Variants in DLGAP2 observed in about 807,000 individuals in gnomAD.
The protein encoded by DLGAP2 is disks large-associated protein 2.
A neutral mutation model predicts 100.3 loss-of-function variants in DLGAP2; 26 were observed. That is an observed-to-expected ratio of 0.26 (90% CI 0.19 to 0.36). The LOEUF is 0.36. Ranked by LOEUF, DLGAP2 falls within the 10% of genes least tolerant of loss-of-function variation. The probability of loss-of-function intolerance (pLI) is 1.00; values close to 1 mark genes in which losing one functional copy is unlikely to be tolerated. For synonymous variants in DLGAP2, 886 were observed against 630.1 expected (o/e 1.41, Z -6.08); for missense variants, 1,858 against 1,453.2 (o/e 1.28, Z -4.53).
intron 2 of DLGAP2, among the ~76,000 whole-genome samples, chr8:1,172,088 A>G (rs1037829091): frequency 6.6e-6 from 1 of 151,880 alleles, no homozygotes; most frequent in Non-Finnish European, 1.5e-5. Flanking sequence ...GGTGGTGACA[A>G]AATCTCTCAG....
chr8:1,313,580 C>G (rs1397352353), intron 3 of DLGAP2, among the ~76,000 whole-genome samples: 2 of 152,210 alleles, frequency 1.3e-5, no homozygotes, highest in South Asian at 2.1e-4. Context: ...CTGTGGAACA[C>G]CATAACACTT....
At chr8:1,193,388 C>G (rs1585139282) in intron 2 of DLGAP2, among the ~76,000 whole-genome samples, 1 of 152,156 alleles carries the variant, frequency 6.6e-6, no homozygotes, top group Non-Finnish European at 1.5e-5. Context: ...GATGGTATCT[C>G]ATTGTGGTTT....
chr8:1,663,752 C>G (rs770240767), intron 8 of DLGAP2, among the ~76,000 whole-genome samples: 13 of 152,204 alleles, frequency 8.5e-5, no homozygotes, highest in South Asian at 4.1e-4. Flanking sequence ...AAAATCATCT[C>G]AAGATATTAA....
chr8:1,419,587 G>T (rs1190639810), intron 3 of DLGAP2, among the ~76,000 whole-genome samples: 1 of 152,108 alleles, frequency 6.6e-6, no homozygotes, highest in East Asian at 1.9e-4. Flanking sequence ...ATAAGGTGAG[G>T]TGTATGAACA....
At chr8:1,244,459 T>C (rs1798864019) in intron 2 of DLGAP2, among the ~76,000 whole-genome samples, 1 of 152,188 alleles carries the variant, frequency 6.6e-6, no homozygotes, top group Non-Finnish European at 1.5e-5. Flanking sequence ...AGAGGTGCCA[T>C]AGAAACATAG....
chr8:1,390,410 G>C (rs982535729), intron 3 of DLGAP2, among the ~76,000 whole-genome samples: 11 of 151,452 alleles, frequency 7.3e-5, no homozygotes, highest in African/African-American at 2.7e-4. Flanking sequence ...TAAGTTTTTT[G>C]TATGCATAAA....
intron 7 of DLGAP2, among the ~76,000 whole-genome samples, chr8:1,628,478 C>T (rs1797563656): frequency 7.5e-6 from 1 of 133,766 alleles, no homozygotes; most frequent in Non-Finnish European, 1.6e-5. Context: ...CTGAGCTGAC[C>T]TCACATTCTC....
At chr8:877,317 T>C (rs970284064) in intron 1 of DLGAP2, among the ~76,000 whole-genome samples, 1 of 152,198 alleles carries the variant, frequency 6.6e-6, no homozygotes, top group Non-Finnish European at 1.5e-5. Flanking sequence ...TGTTTCTTCG[T>C]TCAGTGATTG....
At chr8:899,584 G>A (rs1163643478) in intron 1 of DLGAP2, among the ~76,000 whole-genome samples, 1 of 152,194 alleles carries the variant, frequency 6.6e-6, no homozygotes, top group African/African-American at 2.4e-5. Flanking sequence ...TAGAAGGGAG[G>A]CCAGAGATAG....
chr8:1,424,713 A>G (rs925872007), intron 3 of DLGAP2, among the ~76,000 whole-genome samples: 2 of 152,190 alleles, frequency 1.3e-5, no homozygotes, highest in African/African-American at 4.8e-5. Context: ...AGAAGGCCGG[A>G]TAGGACAAGG....
chr8:984,892 C>G (rs947606619), intron 2 of DLGAP2, among the ~76,000 whole-genome samples: 2 of 152,184 alleles, frequency 1.3e-5, no homozygotes, highest in African/African-American at 2.4e-5. Context: ...GTGTCTGTTA[C>G]TATTGATCAT....
At chr8:1,286,554 G>A (rs774087084) in intron 3 of DLGAP2, among the ~76,000 whole-genome samples, 2 of 152,302 alleles carry the variant, frequency 1.3e-5, no homozygotes, top group Non-Finnish European at 2.9e-5. Flanking sequence ...GGGATGCGGA[G>A]GTGCTTGACA....
chr8:1,325,884 C>T (rs1214227890), intron 3 of DLGAP2, among the ~76,000 whole-genome samples: 1 of 152,132 alleles, frequency 6.6e-6, no homozygotes, highest in African/African-American at 2.4e-5. Flanking sequence ...CTGTTTTGAT[C>T]TCCTTTTTCT....
chr8:841,978 C>G (rs1010279641), intron 1 of DLGAP2, among the ~76,000 whole-genome samples: 3 of 152,182 alleles, frequency 2.0e-5, no homozygotes, highest in Admixed American at 2.0e-4. Flanking sequence ...CTTAACATAA[C>G]GATTTGGACA....
chr8:1,320,437 C>T (rs752234681), intron 3 of DLGAP2, among the ~76,000 whole-genome samples: 2 of 152,076 alleles, frequency 1.3e-5, no homozygotes, highest in South Asian at 2.1e-4. Context: ...AGGGTGGGTG[C>T]GTGGAGCCCA....
At chr8:1,148,928 A>G (rs1796651156) in intron 2 of DLGAP2, among the ~76,000 whole-genome samples, 1 of 152,218 alleles carries the variant, frequency 6.6e-6, no homozygotes, top group Non-Finnish European at 1.5e-5. Flanking sequence ...CTATGTATCA[A>G]TAATTCAGTA....
chr8:924,882 G>A (rs1798781695), intron 2 of DLGAP2, among the ~76,000 whole-genome samples: 1 of 152,118 alleles, frequency 6.6e-6, no homozygotes, highest in African/African-American at 2.4e-5. Context: ...CACCGCGCCT[G>A]GCCAATCCAG....
chr8:880,719 C>G (rs546613033), intron 1 of DLGAP2, among the ~76,000 whole-genome samples: 60 of 152,372 alleles, frequency 3.9e-4, no homozygotes, highest in African/African-American at 1.3e-3. Flanking sequence ...TTGACTGCGA[C>G]ATGGTATCTG....
At position 1,092,110 on chromosome 8, in the gene DLGAP2, G is replaced by A. The variant is rs188432570; in HGVS notation, c.74-166741G>A. On this transcript the variant is annotated intron_variant, in intron 2 of 14. Transcript: ENST00000637795. ...CCATGTTTTGGGGACTCTCATGGGA[G>A]CGGCCGGTGTCTGCCCCTTCATACC... 9.2e-5 allele frequency among the ~76,000 whole-genome samples: 14 copies of A among 152,298 alleles called. No homozygotes were observed. In the East Asian group the frequency reaches 2.5e-3, roughly 27 times the overall value.
Sources: allele counts gnomAD v4.1 joint callset (sites outside exome capture counted in the v4.1 genomes callset), GRCh38; gene constraint gnomAD v4.1.1; transcripts MANE v1.5; gene names NCBI Gene and HGNC (gene_info 2026-07-23, HGNC 2026-07-21).